CNTNAP2: variants seen among roughly 807,000 people sequenced by gnomAD.
The protein encoded by CNTNAP2 is contactin-associated protein-like 2.
Under a neutral mutation model 155.2 loss-of-function variants are expected in CNTNAP2, and 98 were observed. The observed-to-expected ratio is 0.63, with a 90% CI of 0.54 to 0.75. The LOEUF (loss-of-function observed/expected upper bound fraction) is 0.75. Ranked by LOEUF, CNTNAP2 falls within the 30% of genes least tolerant of loss-of-function variation. The pLI, the probability that CNTNAP2 is intolerant of heterozygous loss-of-function variation, is 0.00. For synonymous variants in CNTNAP2, 651 were observed against 631.2 expected, an observed-to-expected ratio of 1.03 and a Z score of -0.47; for missense variants, 1,727 against 1,688.1, an observed-to-expected ratio of 1.02 and a Z score of -0.40.
At chr7:146,825,717 T>C (rs1252731415) in intron 2 of CNTNAP2, among the ~76,000 whole-genome samples, 1 of 152,186 alleles carries the variant, frequency 6.6e-6, no homozygotes. Context: ...TCTGTCTCAA[T>C]TGTCATGAGA....
intron 21 of CNTNAP2, among the ~76,000 whole-genome samples, chr7:148,274,990 AG>A (rs2116851578): frequency 6.6e-6 from 1 of 152,304 alleles, no homozygotes; most frequent in South Asian, 2.1e-4. Flanking sequence ...AATACATATT[AG>A]TTTTTTACTT....
intron 1 of CNTNAP2, among the ~76,000 whole-genome samples, chr7:146,705,496 A>C (rs1257935301): frequency 1.3e-5 from 2 of 152,094 alleles, no homozygotes; most frequent in Non-Finnish European, 2.9e-5. Flanking sequence ...ATCACCCCGC[A>C]AAATGCTCCA....
At chr7:146,774,523 A>C (rs1802354180) in intron 2 of CNTNAP2, 142 bp downstream of exon 2, 2 of 658,986 alleles carry the variant, frequency 3.0e-6, no homozygotes, top group Admixed American at 4.4e-5. Context: ...AAAGATCCAT[A>C]GATGCCATTA....
intron 13 of CNTNAP2, among the ~76,000 whole-genome samples, chr7:147,743,551 G>A (rs146704805): frequency 1.3e-5 from 2 of 152,234 alleles, no homozygotes; most frequent in Non-Finnish European, 2.9e-5. Context: ...TGGGTTGTTT[G>A]GACGCCTAAC....
At chr7:147,543,692 C>G (rs4118165) in intron 11 of CNTNAP2, among the ~76,000 whole-genome samples, 30,134 of 152,074 alleles carry the variant, frequency 0.2, 3,216 homozygotes, top group Admixed American at 0.29. Flanking sequence ...ATGTAATAAG[C>G]CAGTAATTGA....
At chr7:146,168,675 CTG>C (rs1798347395) in intron 1 of CNTNAP2, among the ~76,000 whole-genome samples, 1 of 152,196 alleles carries the variant, frequency 6.6e-6, no homozygotes, top group African/African-American at 2.4e-5. Flanking sequence ...AAACACTTCT[CTG>C]TGCATCCACT....
intron 9 of CNTNAP2, among the ~76,000 whole-genome samples, chr7:147,346,357 T>C (rs566521888): frequency 9.3e-5 from 14 of 151,100 alleles, no homozygotes; most frequent in African/African-American, 2.9e-4. Context: ...GGTTTCACCT[T>C]GTTAGCCAGG....
At chr7:148,153,019 T>A (rs1164416142) in intron 17 of CNTNAP2, among the ~76,000 whole-genome samples, 3 of 17,006 alleles carry the variant, frequency 1.8e-4, no homozygotes, top group African/African-American at 8.5e-4. Context: ...AGACTCCGTC[T>A]CAAAAAAAAA....
intron 3 of CNTNAP2, among the ~76,000 whole-genome samples, chr7:146,928,767 G>A (rs560205983): frequency 6.6e-6 from 1 of 152,174 alleles, no homozygotes; most frequent in African/African-American, 2.4e-5. Context: ...TTAAAAAGCG[G>A]TGCACCAGGA....
At chr7:147,941,471 C>T (rs1800720561) in intron 14 of CNTNAP2, among the ~76,000 whole-genome samples, 1 of 152,174 alleles carries the variant, frequency 6.6e-6, no homozygotes, top group Non-Finnish European at 1.5e-5. Flanking sequence ...TTCTAGAGAG[C>T]ACTCACAAAA....
intron 9 of CNTNAP2, among the ~76,000 whole-genome samples, chr7:147,348,562 C>T (rs2116874067): frequency 6.6e-6 from 1 of 152,026 alleles, no homozygotes; most frequent in African/African-American, 2.4e-5. Flanking sequence ...TAAGCTAGTA[C>T]AGCCACTCCA....
chr7:147,652,264 G>A (rs1019590371), intron 13 of CNTNAP2, among the ~76,000 whole-genome samples: 2 of 152,172 alleles, frequency 1.3e-5, no homozygotes, highest in African/African-American at 2.4e-5. Context: ...ATGTTGCAGA[G>A]TGTTAGCTGA....
intron 11 of CNTNAP2, among the ~76,000 whole-genome samples, chr7:147,494,041 G>C (rs1175161034): frequency 6.6e-6 from 1 of 152,146 alleles, no homozygotes; most frequent in African/African-American, 2.4e-5. Flanking sequence ...TTCTCACCAG[G>C]ACTAAAGCAT....
intron 1 of CNTNAP2, among the ~76,000 whole-genome samples, chr7:146,327,395 A>G (rs1801115781): frequency 6.6e-6 from 1 of 152,234 alleles, no homozygotes; most frequent in Non-Finnish European, 1.5e-5. Context: ...TAAGTAATAA[A>G]CACAATTGTA....
intron 8 of CNTNAP2, among the ~76,000 whole-genome samples, chr7:147,217,147 T>C (rs561652317): frequency 3.3e-5 from 5 of 152,084 alleles, no homozygotes; most frequent in African/African-American, 1.2e-4. Flanking sequence ...CCTTTTTTCT[T>C]TTTCTTTCTT....
intron 4 of CNTNAP2, among the ~76,000 whole-genome samples, chr7:147,091,631 T>A: frequency 6.7e-6 from 1 of 149,190 alleles, no homozygotes; most frequent in South Asian, 2.2e-4. Context: ...TTTTTTTTTT[T>A]TTCTTGCTCT....
intron 1 of CNTNAP2, among the ~76,000 whole-genome samples, chr7:146,251,569 A>G (rs922573934): frequency 1.5e-4 from 23 of 152,340 alleles, no homozygotes; most frequent in Non-Finnish European, 3.1e-4. Context: ...ACGAACTTTT[A>G]TAGTCAAGGA....
At position 148,235,788 on chromosome 7, in the gene CNTNAP2, T is replaced by A. The variant is rs1191088683; in HGVS notation, c.3381+6009T>A. On this transcript the variant is annotated intron_variant, in intron 20 of 23. Coordinates refer to ENST00000361727, the MANE Select transcript of CNTNAP2 (RefSeq NM_014141.6). ...GCAACTTCCACCTCCCGGGTTCAAG[T>A]GAATCTCCTGTGTCAGTCTCCCAAG... Among the ~76,000 whole-genome samples, 5 of 146,344 alleles carry A rather than the reference T, an allele frequency of 3.4e-5. No homozygotes were observed. In the East Asian group the frequency reaches 1.0e-3, roughly 30 times the overall value.
chr7:146,875,884 ACACACACACACATACACACACG>A lies in CNTNAP2; in HGVS notation c.402+35993_402+36014del, dbSNP rs372322463. On this transcript the variant is annotated intron_variant, in intron 3 of 23. Coordinates refer to ENST00000361727, the MANE Select transcript of CNTNAP2 (RefSeq NM_014141.6). ...AACATAGGGAGACCTTATCTTAAAC[ACACACACACACATACACACACG>A]CACACACACACACACACACATACAC... is the stretch of plus-strand genomic sequence containing the variant. Among the ~76,000 whole-genome samples, 876 of 142,928 alleles carry A rather than the reference ACACACACACACATACACACACG, an allele frequency of 6.1e-3. 11 individuals are homozygous for A. Among genetic ancestry groups the A allele is most frequent in the African/African-American group, 0.022 (814 of 37,362 alleles). The allele number at this position is 142,928 out of a possible 152,430, so 93.8% of individuals were successfully genotyped here. A position where few individuals can be genotyped will look rare whatever the true frequency, so the allele number is the denominator to read the frequency against.
Sources: gnomAD v4.1 joint callset for allele counts (sites outside exome capture counted in the v4.1 genomes callset) on GRCh38, gnomAD v4.1.1 for gene constraint, MANE v1.5 for transcripts, NCBI Gene and HGNC (gene_info 2026-07-23, HGNC 2026-07-21) for gene names.